CGGBP1: variants seen among roughly 807,000 people sequenced by gnomAD.
The protein encoded by CGGBP1 is CGG triplet repeat binding protein 1, also known as CGG triplet repeat-binding protein 1.
In CGGBP1, 4 loss-of-function variants were observed where a neutral mutation model predicts 11.4. The observed-to-expected ratio is 0.35, with a 90% confidence interval of 0.17 to 0.80. The LOEUF (loss-of-function observed/expected upper bound fraction) is 0.80, where lower values mean the gene tolerates loss of function less well. Among genes scored for constraint, CGGBP1 ranks in the 30% least tolerant of loss-of-function variants. The probability of loss-of-function intolerance (pLI) is 0.52; values close to 1 mark genes in which losing one functional copy is unlikely to be tolerated. For missense variants in CGGBP1, 135 were observed against 202.1 expected, an observed-to-expected ratio of 0.67 and a Z score of 2.01; for synonymous variants, 76 against 74.1, an observed-to-expected ratio of 1.03 and a Z score of -0.13.
chr3:88,091,017 C>G (rs1708604251), intron 2 of CGGBP1, among the ~76,000 whole-genome samples: 1 of 152,156 alleles, frequency 6.6e-6, no homozygotes, highest in South Asian at 2.1e-4. Flanking sequence ...TGTTTAGATA[C>G]ACAAATACTA....
chr3:88,058,567 G>A (rs1350237116), intron 1 of CGGBP1, among the ~76,000 whole-genome samples: 1 of 152,218 alleles, frequency 6.6e-6, no homozygotes, highest in Non-Finnish European at 1.5e-5. Flanking sequence ...AGCTGGGCAA[G>A]GCCGAGTCCC....
At chr3:88,134,057 G>C (rs1276248114) in intron 2 of CGGBP1, among the ~76,000 whole-genome samples, 3 of 151,658 alleles carry the variant, frequency 2.0e-5, no homozygotes, top group Non-Finnish European at 4.4e-5. Context: ...CTAGAGATGT[G>C]GTAGGAAGGT....
chr3:88,102,257 A>C (rs1368885181), intron 2 of CGGBP1, among the ~76,000 whole-genome samples: 2 of 152,146 alleles, frequency 1.3e-5, no homozygotes, highest in Non-Finnish European at 1.5e-5. Context: ...TCCTCAAAAA[A>C]CTTTTTAGAA....
At chr3:88,065,680 A>G (rs1210056098) in intron 2 of CGGBP1, among the ~76,000 whole-genome samples, 5 of 152,290 alleles carry the variant, frequency 3.3e-5, no homozygotes, top group East Asian at 1.9e-4. Flanking sequence ...AATAAAGTAT[A>G]TAAAATAAAT....
chr3:88,082,577 C>T (rs140188272), intron 2 of CGGBP1, among the ~76,000 whole-genome samples: 49 of 152,250 alleles, frequency 3.2e-4, no homozygotes, highest in African/African-American at 8.4e-4. Context: ...AAGAATAATA[C>T]GGACGTGAAT....
intron 1 of CGGBP1, among the ~76,000 whole-genome samples, chr3:88,147,673 A>G (rs1262804296): frequency 6.6e-6 from 1 of 152,244 alleles, no homozygotes; most frequent in African/African-American, 2.4e-5. Context: ...CAAGAACCAC[A>G]TGTGTCTGAT....
At chr3:88,063,324 C>T (rs1706995196), upstream of CGGBP1, among the ~76,000 whole-genome samples, 1 of 152,054 alleles carries the variant, frequency 6.6e-6, no homozygotes, top group Non-Finnish European at 1.5e-5. Context: ...ATATAAATGG[C>T]AGTAAAGTTT....
Position 88,055,698 on chromosome 3 carries a change from G to A in CGGBP1, c.279C>T (p.Asn93=), listed in dbSNP as rs1272282193. 8 of 1,614,082 alleles carry A rather than the reference G, an allele frequency of 5.0e-6. No homozygotes were observed. In the South Asian group the frequency reaches 5.5e-5, roughly 11 times the overall value. ...QRPLTASLQC[N]STAQTEKVSV... ...TGACTTTCTCTGTTTGCGCAGTACT[G>A]TTGCACTGAAGAGATGCAGTTAGGG... is the stretch of plus-strand genomic sequence containing the variant. Residue 93 remains asparagine (N), a synonymous_variant, in exon 4 of 4, where the codon AAC becomes AAT. Coordinates refer to ENST00000482016, the MANE Select transcript of CGGBP1 (RefSeq NM_001008390.2). This position sits in a 1 kb window ranked among gnomAD's most constrained non-coding sequence, Gnocchi z 4.2.
Position 88,107,328 on chromosome 3 carries a change from C to T in CGGBP1, c.-229+33642G>A, listed in dbSNP as rs554672070. 7.2e-5 allele frequency among the ~76,000 whole-genome samples: 11 copies of T among 152,224 alleles called. No individual in the cohort carries two copies. The South Asian group carries it at 1.7e-3, about 23-fold the overall frequency. ...ATTAGTACTTCAAATTGTCAAAATTCGTTAGCCTATATATTTACTGATTTG... is the reference window on the plus strand; with the variant it reads ...ATTAGTACTTCAAATTGTCAAAATTTGTTAGCCTATATATTTACTGATTTG... On this transcript the variant is annotated intron_variant, in intron 2 of 3. Coordinates refer to the CGGBP1 transcript ENST00000462901.
chr3:88,075,023 G>C (rs1707722808), intron 2 of CGGBP1, among the ~76,000 whole-genome samples: 1 of 152,184 alleles, frequency 6.6e-6, no homozygotes, highest in Non-Finnish European at 1.5e-5. Flanking sequence ...CTTCCTGAAA[G>C]TAGTATCCTA....
chr3:88,125,566 A>G (rs1365409709), intron 2 of CGGBP1, among the ~76,000 whole-genome samples: 5 of 152,078 alleles, frequency 3.3e-5, no homozygotes, highest in Non-Finnish European at 7.4e-5. Flanking sequence ...TTAACCTGTC[A>G]TTTTTTTAAT....
At chr3:88,113,262 A>G (rs952811318) in intron 2 of CGGBP1, 6 of 950,188 alleles carry the variant, frequency 6.3e-6, no homozygotes, top group South Asian at 1.6e-5. Flanking sequence ...CTCCCCCTAA[A>G]TATAGCTTAT....
chr3:88,124,991 G>A (rs1047922932), intron 2 of CGGBP1, among the ~76,000 whole-genome samples: 10 of 151,916 alleles, frequency 6.6e-5, no homozygotes, highest in African/African-American at 2.4e-4. Context: ...CGAGGCAGGC[G>A]GATCATGAGG....
chr3:88,104,549 T>C (rs554461552), intron 2 of CGGBP1, among the ~76,000 whole-genome samples: 9 of 152,236 alleles, frequency 5.9e-5, no homozygotes, highest in Admixed American at 1.3e-4. Flanking sequence ...GAAATATTAT[T>C]GGTTTGTAGC....
chr3:88,071,018 G>A (rs753845182), intron 2 of CGGBP1, among the ~76,000 whole-genome samples: 8 of 152,124 alleles, frequency 5.3e-5, no homozygotes, highest in Non-Finnish European at 1.2e-4. Context: ...AGAGAGTTGT[G>A]AGAATGTTAA....
intron 2 of CGGBP1, chr3:88,113,088 TGAAA>T: frequency 7.0e-7 from 1 of 1,438,074 alleles, no homozygotes; most frequent in Non-Finnish European, 9.4e-7. Context: ...AAAGAAGCAA[TGAAA>T]GTTATTCACT....
intron 2 of CGGBP1, among the ~76,000 whole-genome samples, chr3:88,065,397 A>G (rs1220068987): frequency 1.3e-5 from 2 of 152,140 alleles, no homozygotes; most frequent in Non-Finnish European, 2.9e-5. Flanking sequence ...CTAAATGACT[A>G]TTATTAGGGG....
At chr3:88,146,995 A>G (rs927108714) in intron 1 of CGGBP1, among the ~76,000 whole-genome samples, 7 of 152,058 alleles carry the variant, frequency 4.6e-5, no homozygotes, top group Non-Finnish European at 2.9e-5. Flanking sequence ...CTCCCCTTCA[A>G]TCTTCACACC....
chr3:88,081,709 C>A (rs1475064877), intron 2 of CGGBP1, among the ~76,000 whole-genome samples: 5 of 152,164 alleles, frequency 3.3e-5, no homozygotes, highest in African/African-American at 1.2e-4. Flanking sequence ...CACAGCATTT[C>A]TCTACTTTCT....
Sources: allele counts gnomAD v4.1 joint callset (sites outside exome capture counted in the v4.1 genomes callset), GRCh38; gene constraint gnomAD v4.1.1; non-coding constraint Gnocchi (gnomAD v3.1); transcripts MANE v1.5; gene names NCBI Gene and HGNC (gene_info 2026-07-23, HGNC 2026-07-21).